ZCWPW2: variants seen among roughly 807,000 people sequenced by gnomAD.
ZCWPW2 encodes zinc finger CW-type and PWWP domain containing 2.
In ZCWPW2, 45 loss-of-function variants were observed where a neutral mutation model predicts 46.6. The ratio of observed to expected loss-of-function variants is 0.96; its 90% CI spans 0.76 to 1.24. The LOEUF (loss-of-function observed/expected upper bound fraction) is 1.24. ZCWPW2 is among the 50% of genes most tolerant of loss of function. The pLI is 0.00. For synonymous variants in ZCWPW2, 152 were observed against 137.1 expected, an observed-to-expected ratio of 1.11 and a Z score of -0.76; for missense variants, 429 against 403.9, an observed-to-expected ratio of 1.06 and a Z score of -0.53.
At chr3:28,480,555 T>C (rs536652897) in intron 5 of ZCWPW2, among the ~76,000 whole-genome samples, 1 of 152,302 alleles carries the variant, frequency 6.6e-6, no homozygotes, top group East Asian at 1.9e-4. Context: ...ACTCTGTGGA[T>C]AGTTTCTATT....
chr3:28,501,710 A>G (rs1329625828), intron 6 of ZCWPW2, among the ~76,000 whole-genome samples: 1 of 152,144 alleles, frequency 6.6e-6, no homozygotes, highest in Non-Finnish European at 1.5e-5. Flanking sequence ...TATCCATTTT[A>G]TCCATTTATT....
intron 6 of ZCWPW2, among the ~76,000 whole-genome samples, chr3:28,493,095 CTT>C (rs11426111): frequency 1.8e-4 from 14 of 77,078 alleles, no homozygotes; most frequent in South Asian, 9.0e-4. Context: ...CTTGGCTTTT[CTT>C]TTTTTTTTTT....
rs573495291 is a variant in ZCWPW2 at position 28,521,189 on chromosome 3, G to A, written c.909+73G>A. 79 of 1,470,646 alleles carry A rather than the reference G, an allele frequency of 5.4e-5. No individual in the cohort carries two copies. In the African/African-American group the frequency reaches 1.0e-3, roughly 19 times the overall value. The allele number at this position is 1,470,646 out of a possible 1,614,324, so 91.1% of individuals were successfully genotyped here. On this transcript the variant is annotated intron_variant, in intron 9 of 9. Coordinates refer to ENST00000383768, the MANE Select transcript of ZCWPW2 (RefSeq NM_001040432.4). ...TTAAACAGCAGAATTGTTCCTAGTTGTACATTTTAAATATATAAAAAACTC... is the reference window on the plus strand; with the variant it reads ...TTAAACAGCAGAATTGTTCCTAGTTATACATTTTAAATATATAAAAAACTC...
intron 4 of ZCWPW2, among the ~76,000 whole-genome samples, chr3:28,448,622 T>C (rs751646003): frequency 6.6e-6 from 1 of 150,818 alleles, no homozygotes; most frequent in Admixed American, 6.6e-5. Context: ...CCACCTCTAC[T>C]AAAAATACAA....
intron 1 of ZCWPW2, among the ~76,000 whole-genome samples, chr3:28,361,238 A>C (rs1704932375): frequency 1.3e-5 from 2 of 152,182 alleles, no homozygotes; most frequent in Non-Finnish European, 2.9e-5. Flanking sequence ...CTGTGGTAAA[A>C]TTATCTTCAA....
rs117681990 is a variant in ZCWPW2, at chr3:28,510,121, A to G, written c.658-3943A>G. On this transcript the variant is annotated intron_variant, in intron 6 of 9. Transcript: ENST00000383768. ...TGCTAAAAATCAGTTGACCATATAC[A>G]TGAGAGTTTTTTTCTGGACTCCCAA... 8.5e-5 allele frequency among the ~76,000 whole-genome samples: 13 copies of G among 152,308 alleles called. No homozygotes were observed. The South Asian group carries it at 2.5e-3, about 29-fold the overall frequency.
rs77238334 is a variant in ZCWPW2, at chr3:28,426,906, A to G, written c.333-8204A>G. ...TTAAACTTCAGCTTCTATGGGGGCA[A>G]TAATTGTCTTATTAAAGATCATTTC... On this transcript the variant is annotated intron_variant, in intron 3 of 9. Transcript: ENST00000383768. Among the ~76,000 whole-genome samples, 1,039 of 152,318 alleles carry G rather than the reference A, an allele frequency of 6.8e-3. 10 individuals are homozygous for G. The highest frequency in any genetic ancestry group is 0.023 in the African/African-American group (942 of 41,570).
intron 4 of ZCWPW2, among the ~76,000 whole-genome samples, chr3:28,455,941 C>T (rs908406824): frequency 3.3e-5 from 5 of 152,056 alleles, no homozygotes; most frequent in South Asian, 4.2e-4. Context: ...TTGTTCTTTT[C>T]GCTTAGGATT....
At chr3:28,518,339 A>G (rs1189308916) in intron 8 of ZCWPW2, among the ~76,000 whole-genome samples, 1 of 152,142 alleles carries the variant, frequency 6.6e-6, no homozygotes, top group Non-Finnish European at 1.5e-5. Context: ...TGGTCATGCA[A>G]TCAGCAAAGG....
intron 4 of ZCWPW2, among the ~76,000 whole-genome samples, chr3:28,439,525 A>C (rs1036250563): frequency 5.9e-5 from 9 of 152,122 alleles, no homozygotes; most frequent in Non-Finnish European, 1.2e-4. Context: ...CCTTCAATTC[A>C]ATCAAGTTGA....
intron 6 of ZCWPW2, among the ~76,000 whole-genome samples, chr3:28,503,672 G>A (rs73823979): frequency 0.029 from 4,433 of 151,676 alleles, 191 homozygotes; most frequent in African/African-American, 0.095. Flanking sequence ...AGATATCACT[G>A]GAAAAAATAC....
intron 5 of ZCWPW2, among the ~76,000 whole-genome samples, chr3:28,487,382 C>T (rs552362461): frequency 1.3e-5 from 2 of 152,060 alleles, no homozygotes; most frequent in South Asian, 2.1e-4. Context: ...TCAGCCATGT[C>T]GAGTCTACTG....
intron 5 of ZCWPW2, among the ~76,000 whole-genome samples, chr3:28,481,701 T>TA (rs1227002062): frequency 6.6e-6 from 1 of 152,208 alleles, no homozygotes; most frequent in African/African-American, 2.4e-5. Context: ...AGCAATGATT[T>TA]TTTTTTTCTC....
chr3:28,380,968 A>T (rs1575069178), intron 1 of ZCWPW2, among the ~76,000 whole-genome samples: 1 of 28,826 alleles, frequency 3.5e-5, no homozygotes. Flanking sequence ...ATATATATAT[A>T]TATTTGGTAT....
At chr3:28,453,769 G>A (rs950891921) in intron 4 of ZCWPW2, among the ~76,000 whole-genome samples, 13 of 150,854 alleles carry the variant, frequency 8.6e-5, no homozygotes, top group Admixed American at 2.0e-4. Context: ...ACTCAAAATC[G>A]TATAATTGTG....
At chr3:28,363,157 C>T (rs747345657) in intron 1 of ZCWPW2, among the ~76,000 whole-genome samples, 9 of 152,090 alleles carry the variant, frequency 5.9e-5, no homozygotes, top group Non-Finnish European at 1.0e-4. Flanking sequence ...GTACACCAAA[C>T]TCCTGAGTCA....
chr3:28,467,060 G>A (rs1056731452), intron 4 of ZCWPW2, among the ~76,000 whole-genome samples: 1 of 152,140 alleles, frequency 6.6e-6, no homozygotes, highest in Non-Finnish European at 1.5e-5. Flanking sequence ...GGTACTAATA[G>A]TGATTTGACA....
chr3:28,484,558 G>A (rs904748454), intron 5 of ZCWPW2, among the ~76,000 whole-genome samples: 4 of 152,054 alleles, frequency 2.6e-5, no homozygotes, highest in African/African-American at 9.7e-5. Flanking sequence ...TAAAATTTGT[G>A]GGCATAGAGT....
At chr3:28,354,120 A>G (rs1704648426) in intron 1 of ZCWPW2, among the ~76,000 whole-genome samples, 1 of 152,168 alleles carries the variant, frequency 6.6e-6, no homozygotes, top group Admixed American at 6.6e-5. Flanking sequence ...TCACATTGAC[A>G]AAGAGCTGTG....
Sources: allele counts gnomAD v4.1 joint callset (sites outside exome capture counted in the v4.1 genomes callset), GRCh38; gene constraint gnomAD v4.1.1; transcripts MANE v1.5; gene names NCBI Gene and HGNC (gene_info 2026-07-23, HGNC 2026-07-21).